IPO9: variants seen among roughly 807,000 people sequenced by gnomAD.
IPO9 encodes importin 9, also known as importin-9.
A neutral mutation model predicts 128.6 loss-of-function variants in IPO9; 28 were observed. That is an observed-to-expected ratio of 0.22 (90% CI 0.16 to 0.30). The LOEUF (loss-of-function observed/expected upper bound fraction) is 0.30. Ranked by LOEUF, IPO9 falls within the 10% of genes least tolerant of loss-of-function variation. IPO9 has a pLI of 1.00. For missense variants in IPO9, 935 were observed against 1,293.9 expected, an observed-to-expected ratio of 0.72 and a Z score of 4.26; for synonymous variants, 455 against 475.8, an observed-to-expected ratio of 0.96 and a Z score of 0.57.
At chr1:201,875,129 C>G in intron 22 of IPO9, 23 bp from the exon 23 acceptor site, 1 of 1,609,536 alleles carries the variant, frequency 6.2e-7, no homozygotes, top group Non-Finnish European at 8.5e-7. Context: ...CCTGACCCGC[C>G]CTGTGTTGGC....
At chr1:201,873,389 G>A (rs1238258186) in intron 20 of IPO9, among the ~76,000 whole-genome samples, 69 of 141,344 alleles carry the variant, frequency 4.9e-4, no homozygotes, top group African/African-American at 1.7e-3. Flanking sequence ...AGGTTGCGGT[G>A]AGCAAAGATC....
chr1:201,873,368 C>G (rs1444654490), intron 20 of IPO9, among the ~76,000 whole-genome samples: 1 of 145,182 alleles, frequency 6.9e-6, no homozygotes, highest in African/African-American at 2.6e-5. Context: ...TCGCTTGAAC[C>G]TGGGAGGCAG....
At chr1:201,860,083 T>G (rs1210294789) in intron 13 of IPO9, among the ~76,000 whole-genome samples, 1 of 152,246 alleles carries the variant, frequency 6.6e-6, no homozygotes, top group East Asian at 1.9e-4. Flanking sequence ...CCATGCCTTT[T>G]CTCATCCTTG....
At position 201,874,250 on chromosome 1, in the gene IPO9, A is replaced by G. The variant is rs148953528; in HGVS notation, c.2711A>G (p.Asn904Ser). ...GIRTRSKSAK[N>S]PERWTNIPLL... ...TTGAAACCTTTTTCTTCCTTCCCAG[A>G]CCCAGAACGCTGGACAAACATTCCT... Residue 904 changes from asparagine (N) to serine (S), a missense_variant and splice_region_variant, in exon 21 of 24, where the codon AAC (asparagine) becomes AGC (serine). Physicochemically the swap from Asn to Ser is conservative, Grantham distance 46. Coordinates refer to ENST00000361565, the MANE Select transcript of IPO9 (RefSeq NM_018085.5). The G allele has an allele frequency of 1.5e-4, 239 of 1,613,640 alleles. No individual in the cohort carries two copies. Among genetic ancestry groups the G allele is most frequent in the Non-Finnish European group, 2.0e-4 (233 of 1,179,828 alleles).
intron 1 of IPO9, among the ~76,000 whole-genome samples, chr1:201,839,202 G>A (rs1445330111): frequency 2.0e-5 from 3 of 150,546 alleles, no homozygotes; most frequent in Admixed American, 1.3e-4. Context: ...TTACAGGCGT[G>A]AGCCACTGCG....
intron 6 of IPO9, among the ~76,000 whole-genome samples, chr1:201,853,477 C>T (rs1680263471): frequency 6.6e-6 from 1 of 152,102 alleles, no homozygotes; most frequent in Non-Finnish European, 1.5e-5. Context: ...AAGCAGTCTT[C>T]CCCCCTCAGC....
chr1:201,829,424 C>T lies in IPO9; in HGVS notation c.163+52C>T, dbSNP rs748773154. ...ATGGCTCAGCCGCACAATCCGCTGA[C>T]CGCAGCTCCGTACCGGCTGGGGACA... On this transcript the variant is annotated intron_variant, in intron 1 of 23. Transcript: ENST00000361565. 2.4e-5 allele frequency: 36 copies of T among 1,475,124 alleles called. 1 individual carries two copies. In the South Asian group the frequency reaches 3.5e-4, roughly 14 times the overall value. The allele number at this position is 1,475,124 out of a possible 1,614,324, so 91.4% of individuals were successfully genotyped here.
rs556832410 is a variant in IPO9 at position 201,872,203 on chromosome 1, G to A, written c.2577-625G>A. ...TTGCACTTCAGCCTGGGCGACGAGC[G>A]AAATTGTCTCAGAAAAATAAAAATA... On this transcript the variant is annotated intron_variant, in intron 19 of 23. Transcript: ENST00000361565. Among the ~76,000 whole-genome samples, 64 of 152,094 alleles carry A rather than the reference G, an allele frequency of 4.2e-4. 1 individual carries two copies. Among genetic ancestry groups the A allele is most frequent in the South Asian group, 3.7e-3 (18 of 4,814 alleles).
At chr1:201,852,376 T>C (rs1680235851) in intron 5 of IPO9, among the ~76,000 whole-genome samples, 184 bp downstream of exon 5, 1 of 152,168 alleles carries the variant, frequency 6.6e-6, no homozygotes, top group Non-Finnish European at 1.5e-5. Flanking sequence ...AAGCCTTTGA[T>C]AAAAGTGTGA....
At chr1:201,857,301 T>G in intron 11 of IPO9, 107 bp downstream of exon 11, 1 of 732,126 alleles carries the variant, frequency 1.4e-6, no homozygotes, top group Non-Finnish European at 2.4e-6. Context: ...TTGGGTGGCT[T>G]TATCTCAGAC....
chr1:201,835,392 G>A (rs1269025069), intron 1 of IPO9, among the ~76,000 whole-genome samples: 1 of 152,236 alleles, frequency 6.6e-6, no homozygotes, highest in African/African-American at 2.4e-5. Context: ...AGGATAACGA[G>A]AGGGAAGCAA....
In IPO9 at chr1:201,883,033, G is replaced by T. The variant is rs1395524536; in HGVS notation, c.*6979G>T. The T allele has an allele frequency of 6.6e-6, 1 of 152,648 alleles. No individual in the cohort carries two copies. Among genetic ancestry groups the T allele is most frequent in the African/African-American group, 2.4e-5 (1 of 41,436 alleles). 9.5% of individuals were successfully genotyped at this position (152,648 alleles called of 1,614,324 possible). ...GGAGGACAGCTCTGAGGAATGAATT[G>T]TAGCACTGCAGCCCTGCCTGAGGAA... On this transcript the variant is annotated 3_prime_UTR_variant, in exon 24 of 24. Transcript: ENST00000361565.
chr1:201,852,288 A>G, intron 5 of IPO9, 96 bp downstream of exon 5: 1 of 691,882 alleles, frequency 1.4e-6, no homozygotes. Context: ...ACTGATCTCA[A>G]TACCTAAAAA....
At chr1:201,834,493 A>G (rs1212201037) in intron 1 of IPO9, among the ~76,000 whole-genome samples, 3 of 151,958 alleles carry the variant, frequency 2.0e-5, no homozygotes, top group African/African-American at 4.8e-5. Context: ...ATTTTTTTAT[A>G]TCTTAAAATG....
intron 22 of IPO9, 60 bp from the exon 23 acceptor site, chr1:201,875,092 A>G: frequency 6.7e-7 from 1 of 1,499,136 alleles, no homozygotes; most frequent in Non-Finnish European, 9.3e-7. Context: ...GTATATCACC[A>G]CTCAGGGCCT....
rs1680377031 is a variant in IPO9 at position 201,858,499 on chromosome 1, C to T, written c.1274C>T (p.Ala425Val). Residue 425 changes from alanine to valine, a missense_variant, in exon 12 of 24, where the codon GCC becomes GTC. This residue lies in a region of IPO9 where 741 missense variants were observed against 1,019.1 expected (regional missense o/e 0.73). Coordinates refer to ENST00000361565, the MANE Select transcript of IPO9 (RefSeq NM_018085.5). ...NESAAALAAA[A>V]TRHLQEAEQT... is the part of the protein sequence containing the mutation. ...AGTGCAGCAGCCCTGGCTGCTGCAG[C>T]CACTCGACATTTACAAGAAGCTGAG... 6.3e-7 allele frequency: 1 copy of T among 1,598,036 alleles called. No homozygotes were observed. The highest frequency in any genetic ancestry group is 1.1e-5 in the South Asian group (1 of 88,970).
chr1:201,875,044 T>G lies in IPO9; in HGVS notation c.2938+108T>G, dbSNP rs558771982. ...GGAGAGGTGGGCCCACAGGGACATT[T>G]CTTGGGCTTTTGCACCTTCCGCCTC... On this transcript the variant is annotated intron_variant, in intron 22 of 23. Transcript: ENST00000361565. The G allele has an allele frequency of 1.6e-5, 21 of 1,350,374 alleles. No individual in the cohort carries two copies. In the South Asian group the frequency reaches 2.5e-4, roughly 16 times the overall value. The allele number at this position is 1,350,374 out of a possible 1,614,324, so 83.6% of individuals were successfully genotyped here.
intron 13 of IPO9, among the ~76,000 whole-genome samples, chr1:201,862,244 GTTCAGGAGT>G (rs1364319780): frequency 1.3e-5 from 2 of 152,136 alleles, no homozygotes; most frequent in Non-Finnish European, 2.9e-5. Context: ...GATTGCTTGA[GTTCAGGAGT>G]TCAAGACCAG....
chr1:201,842,103 C>T (rs1245151993), intron 1 of IPO9, among the ~76,000 whole-genome samples: 1 of 152,102 alleles, frequency 6.6e-6, no homozygotes, highest in Non-Finnish European at 1.5e-5. Context: ...ACTGCCCCCA[C>T]CTGCTTGGAT....
Sources: gnomAD v4.1 joint callset for allele counts (sites outside exome capture counted in the v4.1 genomes callset) on GRCh38, gnomAD v4.1.1 for gene constraint, gnomAD v4.1.1 regional missense constraint, MANE v1.5 for transcripts, NCBI Gene and HGNC (gene_info 2026-07-23, HGNC 2026-07-21) for gene names.